The following SPAG16 variants were observed in gnomAD, a reference collection of about 807,000 sequenced individuals.
SPAG16 encodes the protein sperm associated antigen 16, also known as sperm-associated antigen 16 protein.
SPAG16 carries 86 observed loss-of-function variants against 80.4 expected under a neutral mutation model. The ratio of observed to expected loss-of-function variants is 1.07; its 90% CI spans 0.90 to 1.28. The LOEUF (loss-of-function observed/expected upper bound fraction) is 1.28. Among genes scored for constraint, SPAG16 ranks in the 50% most tolerant of loss-of-function variants. The probability of loss-of-function intolerance (pLI) is 0.00; values close to 1 mark genes in which losing one functional copy is unlikely to be tolerated. For missense variants in SPAG16, 870 were observed against 765.3 expected, an observed-to-expected ratio of 1.14 and a Z score of -1.61; for synonymous variants, 294 against 265.9, an observed-to-expected ratio of 1.11 and a Z score of -1.03.
At chr2:213,470,105 A>G (rs896516753) in intron 9 of SPAG16, among the ~76,000 whole-genome samples, 4 of 152,148 alleles carry the variant, frequency 2.6e-5, no homozygotes, top group African/African-American at 9.7e-5. Context: ...AAACAGTACC[A>G]TATATTGGAT....
chr2:213,498,863 GT>G (rs1166555965), intron 10 of SPAG16, among the ~76,000 whole-genome samples: 1 of 152,072 alleles, frequency 6.6e-6, no homozygotes, highest in Non-Finnish European at 1.5e-5. Flanking sequence ...AAAATGAGTT[GT>G]TCAGTCATTC....
At position 214,392,177 on chromosome 2, in the gene SPAG16, T is replaced by A. The variant is rs565312283; in HGVS notation, c.1721-17963T>A. ...AGTCTCAGAATTTTTTTTCTTCTTT[T>A]TTTGAGATAGGGTTTCACTCCCATC... is the stretch of plus-strand genomic sequence containing the variant. On this transcript the variant is annotated intron_variant, in intron 15 of 15. Transcript: ENST00000331683. Among the ~76,000 whole-genome samples, 21 of 152,256 alleles carry A rather than the reference T, an allele frequency of 1.4e-4. No individual in the cohort carries two copies. In the East Asian group the frequency reaches 2.5e-3, roughly 18 times the overall value.
At chr2:214,182,969 A>G (rs1459420925) in intron 15 of SPAG16, among the ~76,000 whole-genome samples, 1 of 151,970 alleles carries the variant, frequency 6.6e-6, no homozygotes, top group African/African-American at 2.4e-5. Context: ...GGTCATAGCG[A>G]TGAAGTGCCT....
chr2:214,376,778 T>A (rs747387404), intron 15 of SPAG16, among the ~76,000 whole-genome samples: 9 of 152,308 alleles, frequency 5.9e-5, no homozygotes, highest in Non-Finnish European at 1.2e-4. Context: ...ACTGAGATGC[T>A]TAGTACAATG....
Position 213,762,113 on chromosome 2 carries a change from C to T in SPAG16, c.1071-100372C>T, listed in dbSNP as rs2068697011. ...AAGAAGAAAAAACACACATGATTAT[C>T]TCAATTGCAGAAGAAAAAGTATTTG... On this transcript the variant is annotated intron_variant, in intron 10 of 15. Transcript: ENST00000331683. Among the ~76,000 whole-genome samples, 3 of 152,242 alleles carry T rather than the reference C, an allele frequency of 2.0e-5. No homozygotes were observed. The South Asian group carries it at 6.2e-4, about 32-fold the overall frequency.
intron 13 of SPAG16, among the ~76,000 whole-genome samples, chr2:214,107,032 C>T (rs2053420562): frequency 6.6e-6 from 1 of 152,216 alleles, no homozygotes; most frequent in Non-Finnish European, 1.5e-5. Context: ...TTGGCTAACT[C>T]CCTTACTATA....
At chr2:213,713,854 C>T (rs1436712362) in intron 10 of SPAG16, among the ~76,000 whole-genome samples, 1 of 152,148 alleles carries the variant, frequency 6.6e-6, no homozygotes, top group African/African-American at 2.4e-5. Context: ...TTTTATCTAT[C>T]ACAGGAAAGA....
intron 10 of SPAG16, among the ~76,000 whole-genome samples, chr2:213,632,459 A>G (rs1245177221): frequency 6.6e-6 from 1 of 152,074 alleles, no homozygotes; most frequent in Non-Finnish European, 1.5e-5. Flanking sequence ...GATGACCTTT[A>G]TATCTTTCTT....
At chr2:213,361,303 G>T (rs1282778084) in intron 7 of SPAG16, among the ~76,000 whole-genome samples, 1 of 151,382 alleles carries the variant, frequency 6.6e-6, no homozygotes, top group Non-Finnish European at 1.5e-5. Context: ...AGGTATCTAT[G>T]TATACTAAAT....
intron 11 of SPAG16, among the ~76,000 whole-genome samples, chr2:213,911,363 T>A (rs2077657740): frequency 6.6e-6 from 1 of 152,168 alleles, no homozygotes; most frequent in Admixed American, 6.5e-5. Flanking sequence ...CAGGATAGTC[T>A]TGAACTCCTG....
In SPAG16 at chr2:213,878,949, C is replaced by T. The variant is rs78885000; in HGVS notation, c.1214+16321C>T. Among the ~76,000 whole-genome samples, 396 of 152,128 alleles carry T rather than the reference C, an allele frequency of 2.6e-3. 2 individuals carry two copies. Among genetic ancestry groups the T allele is most frequent in the African/African-American group, 8.6e-3 (358 of 41,504 alleles). The stretch of plus-strand genomic sequence containing the variant: ...TTTTGACAACAACTTTGTCAAAGAT[C>T]AGGTGGATGTGGATGTGTGATTTAA... On this transcript the variant is annotated intron_variant, in intron 11 of 15. Coordinates refer to ENST00000331683, the MANE Select transcript of SPAG16 (RefSeq NM_024532.5).
chr2:213,931,107 T>C (rs1478323815), intron 12 of SPAG16, among the ~76,000 whole-genome samples: 4 of 152,234 alleles, frequency 2.6e-5, no homozygotes, highest in African/African-American at 4.8e-5. Flanking sequence ...TTTTCCCTTT[T>C]TTAGTTACTT....
At chr2:214,172,489 A>C (rs753135419) in intron 15 of SPAG16, among the ~76,000 whole-genome samples, 11 of 152,056 alleles carry the variant, frequency 7.2e-5, no homozygotes, top group Non-Finnish European at 1.2e-4. Flanking sequence ...TTTTCTTAAT[A>C]CAGTCTATCA....
At chr2:214,163,047 A>T (rs1303139514) in intron 15 of SPAG16, among the ~76,000 whole-genome samples, 1 of 152,194 alleles carries the variant, frequency 6.6e-6, no homozygotes, top group South Asian at 2.1e-4. Context: ...ACTGCTTGAG[A>T]TCTCAGTTTC....
chr2:213,848,003 G>A (rs2074717051), intron 10 of SPAG16, among the ~76,000 whole-genome samples: 1 of 152,172 alleles, frequency 6.6e-6, no homozygotes, highest in African/African-American at 2.4e-5. Flanking sequence ...CAAGTAATTT[G>A]AGTTATTTAT....
At position 213,346,065 on chromosome 2, in the gene SPAG16, G is replaced by A. The variant is rs2064966637; in HGVS notation, c.645-4463G>A. ...ATCCTCTTTTATTTCCTTGAGCAGT[G>A]GTTTTTAGTTCTCCTTGAAGAGGTC... On this transcript the variant is annotated intron_variant, in intron 6 of 15. Transcript: ENST00000331683. Among the ~76,000 whole-genome samples the A allele has an allele frequency of 2.6e-5, 4 of 152,200 alleles. No homozygotes were observed. In the South Asian group the frequency reaches 8.3e-4, roughly 32 times the overall value.
intron 7 of SPAG16, among the ~76,000 whole-genome samples, chr2:213,352,829 C>T (rs1203992570): frequency 6.6e-6 from 1 of 152,164 alleles, no homozygotes; most frequent in African/African-American, 2.4e-5. Context: ...TGTCTTTGAA[C>T]TCCTACTCCT....
intron 13 of SPAG16, among the ~76,000 whole-genome samples, chr2:214,082,972 G>T (rs1465868040): frequency 3.9e-5 from 6 of 152,080 alleles, no homozygotes; most frequent in Non-Finnish European, 1.5e-5. Flanking sequence ...AATAATTGCA[G>T]TCTTCTCCTC....
At chr2:213,705,225 G>A (rs1374077533) in intron 10 of SPAG16, among the ~76,000 whole-genome samples, 1 of 151,986 alleles carries the variant, frequency 6.6e-6, no homozygotes, top group Non-Finnish European at 1.5e-5. Context: ...TCCAGCCTGG[G>A]CAACAGAGCA....
Sources: allele counts gnomAD v4.1 joint callset (sites outside exome capture counted in the v4.1 genomes callset), GRCh38; gene constraint gnomAD v4.1.1; transcripts MANE v1.5; gene names NCBI Gene and HGNC (gene_info 2026-07-23, HGNC 2026-07-21).